NDUFB4: variants seen among roughly 807,000 people sequenced by gnomAD.
The protein encoded by NDUFB4 is NADH:ubiquinone oxidoreductase subunit B4, also known as NADH dehydrogenase [ubiquinone] 1 beta subcomplex subunit 4.
NDUFB4 carries 10 observed loss-of-function variants against 14.5 expected under a neutral mutation model. The observed-to-expected ratio is 0.69, with a 90% CI of 0.43 to 1.17. The LOEUF (loss-of-function observed/expected upper bound fraction) is 1.17. Ranked by LOEUF, NDUFB4 falls within the 50% of genes most tolerant of loss-of-function variation. The pLI, the probability that NDUFB4 is intolerant of heterozygous loss-of-function variation, is 0.00. For missense variants in NDUFB4, 165 were observed against 161.1 expected, an observed-to-expected ratio of 1.02 and a Z score of -0.13; for synonymous variants, 65 against 63.4, an observed-to-expected ratio of 1.03 and a Z score of -0.12.
intron 1 of NDUFB4, among the ~76,000 whole-genome samples, chr3:120,596,841 GCTTA>G (rs1939965760): frequency 6.6e-6 from 1 of 151,692 alleles, no homozygotes; most frequent in Admixed American, 6.6e-5. Flanking sequence ...GTAATATAGT[GCTTA>G]CTCTTTTATC....
chr3:120,599,839 G>T (rs544332190), intron 1 of NDUFB4, among the ~76,000 whole-genome samples: 80 of 152,248 alleles, frequency 5.3e-4, no homozygotes, highest in African/African-American at 1.9e-3. Flanking sequence ...TGTAAGAATA[G>T]ATGCATTAAT....
In NDUFB4 at chr3:120,596,497, G is replaced by A. The variant is rs1403983945; in HGVS notation, c.138G>A (p.Glu46=). ...CCATAAGAGCCCAGCTGAAACGAGA[G>A]TACCTGCTTCAGTACAACGATCCCA... ...RLAIRAQLKR[E]YLLQYNDPNR... Residue 46 remains glutamate, a synonymous_variant, in exon 1 of 3, where the codon GAG becomes GAA. Coordinates refer to ENST00000184266, the MANE Select transcript of NDUFB4 (RefSeq NM_004547.6). 2 of 1,613,894 alleles carry A rather than the reference G, an allele frequency of 1.2e-6. No individual in the cohort carries two copies. Among genetic ancestry groups the A allele is most frequent in the Non-Finnish European group, 8.5e-7 (1 of 1,179,956 alleles).
At chr3:120,600,429 T>A (rs1230876324) in intron 1 of NDUFB4, among the ~76,000 whole-genome samples, 2 of 152,200 alleles carry the variant, frequency 1.3e-5, no homozygotes, top group African/African-American at 2.4e-5. Context: ...GTTATTCTAG[T>A]ATAAATATAT....
At chr3:120,598,572 CA>C (rs1940006170) in intron 1 of NDUFB4, among the ~76,000 whole-genome samples, 1 of 151,940 alleles carries the variant, frequency 6.6e-6, no homozygotes, top group Non-Finnish European at 1.5e-5. Context: ...AAAAATAAAG[CA>C]GGGGAGATTT....
intron 1 of NDUFB4, among the ~76,000 whole-genome samples, chr3:120,597,368 A>G (rs182126619): frequency 3.9e-5 from 6 of 152,320 alleles, no homozygotes; most frequent in Admixed American, 3.3e-4. Context: ...AGCACATAAT[A>G]TATGCCCAGT....
At chr3:120,601,392 C>G (rs1175405206) in intron 2 of NDUFB4, 135 bp downstream of exon 2, 8 of 1,497,358 alleles carry the variant, frequency 5.3e-6, no homozygotes, top group Admixed American at 2.5e-5. Context: ...CCCTTCCTCT[C>G]TTCTTTTATC....
At chr3:120,599,554 C>T (rs1291960646) in intron 1 of NDUFB4, among the ~76,000 whole-genome samples, 1 of 152,064 alleles carries the variant, frequency 6.6e-6, no homozygotes, top group African/African-American at 2.4e-5. Flanking sequence ...ACATGATTTT[C>T]AGGAGTTTTC....
intron 2 of NDUFB4, chr3:120,601,787 G>A: frequency 9.8e-7 from 1 of 1,021,708 alleles, no homozygotes; most frequent in Non-Finnish European, 1.2e-6. Context: ...GTCTAGCTTT[G>A]TCTTTAACTG....
At chr3:120,596,739 G>A in intron 1 of NDUFB4, 200 bp downstream of exon 1, 1 of 598,970 alleles carries the variant, frequency 1.7e-6, no homozygotes, top group Non-Finnish European at 2.9e-6. Context: ...ACCTGGCTGG[G>A]TTTGAATCCT....
chr3:120,597,131 ATACTGCTCTCTCCT>A (rs1939977028), intron 1 of NDUFB4, among the ~76,000 whole-genome samples: 1 of 150,266 alleles, frequency 6.7e-6, no homozygotes, highest in African/African-American at 2.4e-5. Context: ...GCTCATAGGG[ATACTGCTCTCTCCT>A]GATGGGAATA....
intron 2 of NDUFB4, 168 bp downstream of exon 2, chr3:120,601,425 TAAAAC>T (rs2107472749): frequency 6.9e-7 from 1 of 1,455,434 alleles, no homozygotes; most frequent in Non-Finnish European, 9.0e-7. Flanking sequence ...CAGCAGGAGT[TAAAAC>T]AGAAAGTTTT....
chr3:120,596,356 C>T lies in NDUFB4; in HGVS notation c.-4C>T, dbSNP rs780155851. ...CAGGCGCAATTGTGCCCTGGTTCGCCAAGATGTCGTTCCCAAAGTATAAGC... is the reference window on the plus strand; with the variant it reads ...CAGGCGCAATTGTGCCCTGGTTCGCTAAGATGTCGTTCCCAAAGTATAAGC... On this transcript the variant is annotated 5_prime_UTR_variant, in exon 1 of 3. Transcript: ENST00000184266. 2.5e-6 allele frequency: 4 copies of T among 1,613,872 alleles called. No individual in the cohort carries two copies. Among genetic ancestry groups the T allele is most frequent in the African/African-American group, 1.3e-5 (1 of 74,944 alleles).
chr3:120,596,540 G>A lies in NDUFB4; in HGVS notation c.180+1G>A, dbSNP rs888551670. The A allele has an allele frequency of 6.2e-7, 1 of 1,613,124 alleles. No individual in the cohort carries two copies. The highest frequency in any genetic ancestry group is 1.3e-5 in the African/African-American group (1 of 74,934). ...CGATCCCAACCGCCGAGGGCTCATC[G>A]TGAGTGTGGGGCCTCCCAGGCGGGA... On this transcript the variant is annotated splice_donor_variant, in intron 1 of 2. Transcript: ENST00000184266. LOFTEE classifies it high-confidence loss of function.
chr3:120,600,136 T>TTTG (rs1940033853), intron 1 of NDUFB4, among the ~76,000 whole-genome samples: 6 of 145,014 alleles, frequency 4.1e-5, no homozygotes, highest in East Asian at 4.3e-4. Context: ...TTTTTTTTTT[T>TTTG]AAACTTCTGA....
intron 1 of NDUFB4, 71 bp downstream of exon 1, chr3:120,596,610 G>C: frequency 6.6e-7 from 1 of 1,515,438 alleles, no homozygotes; most frequent in Non-Finnish European, 9.0e-7. Flanking sequence ...CCACGCAAAG[G>C]GTCGGCCACC....
chr3:120,599,861 T>C (rs1332029874), intron 1 of NDUFB4, among the ~76,000 whole-genome samples: 1 of 152,126 alleles, frequency 6.6e-6, no homozygotes, highest in Non-Finnish European at 1.5e-5. Context: ...CTTTCAGCTA[T>C]TGAGCTTTAA....
In NDUFB4 at chr3:120,601,083, T is replaced by C. The variant is rs200334077; in HGVS notation, c.181-28T>C. On this transcript the variant is annotated intron_variant, in intron 1 of 2. Coordinates refer to ENST00000184266, the MANE Select transcript of NDUFB4 (RefSeq NM_004547.6). ...TCTCAATGTGATCCTTCTTAAGTTC[T>C]ATAACTTTTTGTTTTCATTAATTTT... The C allele has an allele frequency of 7.0e-5, 110 of 1,581,834 alleles. 1 individual carries two copies. In the East Asian group the frequency reaches 2.4e-3, roughly 35 times the overall value.
intron 1 of NDUFB4, among the ~76,000 whole-genome samples, chr3:120,598,402 T>C (rs1020827327): frequency 6.6e-6 from 1 of 152,136 alleles, no homozygotes; most frequent in Non-Finnish European, 1.5e-5. Context: ...AAATAATTGC[T>C]CAGGGTCTGT....
Position 120,596,493 on chromosome 3 carries a change from G to T in NDUFB4, c.134G>T (p.Arg45Leu). 6.2e-7 allele frequency: 1 copy of T among 1,613,994 alleles called. No homozygotes were observed. Among genetic ancestry groups the T allele is most frequent in the Non-Finnish European group, 8.5e-7 (1 of 1,179,936 alleles). ...ERLAIRAQLKREYLLQYNDPN... is the reference protein window; with the variant it reads ...ERLAIRAQLKLEYLLQYNDPN... ...TTGGCCATAAGAGCCCAGCTGAAAC[G>T]AGAGTACCTGCTTCAGTACAACGAT... The change falls in exon 1 of 3, where the codon CGA becomes CTA. Residue 45 changes from arginine (R) to leucine (L), a missense_variant. Physicochemically the swap from Arg to Leu is moderately radical, Grantham distance 102. Coordinates refer to ENST00000184266, the MANE Select transcript of NDUFB4 (RefSeq NM_004547.6).
Sources: gnomAD v4.1 joint callset for allele counts (sites outside exome capture counted in the v4.1 genomes callset) on GRCh38, gnomAD v4.1.1 for gene constraint, MANE v1.5 for transcripts, NCBI Gene and HGNC (gene_info 2026-07-23, HGNC 2026-07-21) for gene names.